USP34: variants seen among roughly 807,000 people sequenced by gnomAD.
The protein encoded by USP34 is ubiquitin carboxyl-terminal hydrolase 34.
A neutral mutation model predicts 460.3 loss-of-function variants in USP34; 70 were observed. The observed-to-expected ratio is 0.15, with a 90% CI of 0.13 to 0.19. The LOEUF is 0.19. USP34 is among the 10% of genes least tolerant of loss of function. The pLI is 1.00. For synonymous variants in USP34, 1,647 were observed against 1,405.3 expected (o/e 1.17, Z -3.85); for missense variants, 3,985 against 4,236.2 (o/e 0.94, Z 1.65).
chr2:61,333,606 G>A (rs1572942983), intron 19 of USP34, among the ~76,000 whole-genome samples: 1 of 152,036 alleles, frequency 6.6e-6, no homozygotes, highest in Non-Finnish European at 1.5e-5. Context: ...AAAGTACTCT[G>A]CTGTAGCTGC....
chr2:61,348,021 T>C lies in USP34; in HGVS notation c.2134A>G (p.Thr712Ala), dbSNP rs1460086421. ...EHDISGEMNATHIAQGSQESC... is the reference protein window; with the variant it reads ...EHDISGEMNAAHIAQGSQESC... The stretch of plus-strand genomic sequence containing the variant: ...TCCTGAGACCCTTGTGCTATATGAG[T>C]AGCATTCATTTCCCCTGAAATATCA... The change falls in exon 15 of 80, where the codon ACT becomes GCT. Residue 712 changes from threonine to alanine, a missense_variant. Physicochemically the swap from Thr to Ala is moderately conservative, Grantham distance 58. This residue lies in a region of USP34 where 716 missense variants were observed against 626.2 expected (regional missense o/e 1.14). Transcript: ENST00000398571. 6.2e-6 allele frequency: 10 copies of C among 1,614,056 alleles called. No individual in the cohort carries two copies. The highest frequency in any genetic ancestry group is 1.7e-5 in the Admixed American group (1 of 60,010).
At chr2:61,251,779 G>C (rs1380092209) in intron 48 of USP34, among the ~76,000 whole-genome samples, 1 of 152,010 alleles carries the variant, frequency 6.6e-6, no homozygotes, top group East Asian at 1.9e-4. Context: ...TTTACATAAG[G>C]TTTAACATCA....
intron 32 of USP34, among the ~76,000 whole-genome samples, chr2:61,294,560 G>A (rs543398341): frequency 1.3e-5 from 2 of 151,984 alleles, no homozygotes; most frequent in African/African-American, 2.4e-5. Flanking sequence ...CTGGGATTAT[G>A]GGCAGCATGC....
intron 48 of USP34, among the ~76,000 whole-genome samples, chr2:61,250,022 C>G (rs2103879069): frequency 6.6e-6 from 1 of 152,200 alleles, no homozygotes; most frequent in African/African-American, 2.4e-5. Flanking sequence ...CTAAAGTGGG[C>G]AGACTGCTTG....
At chr2:61,364,050 G>C (rs1692354232) in intron 10 of USP34, among the ~76,000 whole-genome samples, 1 of 152,154 alleles carries the variant, frequency 6.6e-6, no homozygotes. Context: ...AAGGTACCTA[G>C]AATAGGCAAA....
chr2:61,334,547 G>T (rs1691361048), intron 18 of USP34, among the ~76,000 whole-genome samples: 1 of 152,058 alleles, frequency 6.6e-6, no homozygotes, highest in Non-Finnish European at 1.5e-5. Flanking sequence ...TTCTAATGAA[G>T]AACTAAACTT....
intron 1 of USP34, among the ~76,000 whole-genome samples, chr2:61,451,991 C>T (rs988535729): frequency 4.6e-5 from 7 of 151,496 alleles, no homozygotes; most frequent in South Asian, 4.2e-4. Flanking sequence ...CTGGCTAACA[C>T]GGTGAAACCC....
At chr2:61,228,463 T>A (rs1459166639) in intron 61 of USP34, among the ~76,000 whole-genome samples, 182 bp downstream of exon 61, 1 of 152,232 alleles carries the variant, frequency 6.6e-6, no homozygotes, top group Admixed American at 6.5e-5. Context: ...CCTAGTTGTT[T>A]CTTTCTTGCT....
chr2:61,451,590 G>C (rs1296645301), intron 1 of USP34, among the ~76,000 whole-genome samples: 1 of 151,870 alleles, frequency 6.6e-6, no homozygotes, highest in African/African-American at 2.4e-5. Context: ...GTTGAGGCAG[G>C]AGAATCGTTT....
chr2:61,280,960 A>ACTAT (rs2103956354), intron 38 of USP34, 130 bp downstream of exon 38: 1 of 976,522 alleles, frequency 1.0e-6, no homozygotes, highest in African/African-American at 1.7e-5. Context: ...GTATATAACT[A>ACTAT]CTATCCTCTT....
chr2:61,282,581 G>T (rs1038955487), intron 37 of USP34, among the ~76,000 whole-genome samples: 2 of 152,098 alleles, frequency 1.3e-5, no homozygotes, highest in African/African-American at 4.8e-5. Context: ...ATGACACCAG[G>T]AGTTCAAGAC....
chr2:61,209,964 A>G (rs1401998254), intron 69 of USP34, among the ~76,000 whole-genome samples: 1 of 152,202 alleles, frequency 6.6e-6, no homozygotes, highest in African/African-American at 2.4e-5. Flanking sequence ...TTTAAATATG[A>G]AAAGCTTATA....
intron 1 of USP34, among the ~76,000 whole-genome samples, chr2:61,426,098 C>A (rs1341104948): frequency 6.6e-6 from 1 of 152,062 alleles, no homozygotes; most frequent in Non-Finnish European, 1.5e-5. Flanking sequence ...GTAGCGATAT[C>A]CAAGTACTAC....
chr2:61,425,415 A>T (rs1694483290), intron 1 of USP34, among the ~76,000 whole-genome samples: 2 of 151,968 alleles, frequency 1.3e-5, no homozygotes, highest in African/African-American at 2.4e-5. Flanking sequence ...CCAGCAGCAA[A>T]AGGCCTGGTG....
intron 10 of USP34, among the ~76,000 whole-genome samples, chr2:61,350,942 G>A (rs1016138956): frequency 2.0e-5 from 3 of 152,188 alleles, no homozygotes; most frequent in African/African-American, 7.2e-5. Context: ...AAGAGGGAAG[G>A]CTGGGCGTGG....
At position 61,406,717 on chromosome 2, in the gene USP34, A is replaced by T. The variant is rs80117520; in HGVS notation, c.132-589T>A. On this transcript the variant is annotated intron_variant, in intron 2 of 79. Coordinates refer to ENST00000398571, the MANE Select transcript of USP34 (RefSeq NM_014709.4). ...TATGTGTATTTAAAAAAAAAAAAAAAATATTGGCCAGGCGCAGTGGCTCAC... is the reference window on the plus strand; with the variant it reads ...TATGTGTATTTAAAAAAAAAAAAAATATATTGGCCAGGCGCAGTGGCTCAC... Among the ~76,000 whole-genome samples the T allele has an allele frequency of 8.9e-3, 1,352 of 151,672 alleles. 8 individuals carry two copies. Among genetic ancestry groups the T allele is most frequent in the South Asian group, 0.015 (71 of 4,788 alleles).
intron 8 of USP34, among the ~76,000 whole-genome samples, chr2:61,375,388 C>G (rs1428549053): frequency 4.6e-5 from 7 of 152,096 alleles, no homozygotes; most frequent in Admixed American, 1.3e-4. Context: ...CAATTCTAAT[C>G]CTAAGTATCT....
chr2:61,233,906 A>G (rs1687989985), intron 57 of USP34, among the ~76,000 whole-genome samples: 1 of 152,132 alleles, frequency 6.6e-6, no homozygotes, highest in Non-Finnish European at 1.5e-5. Context: ...GAGTGAATGA[A>G]ATTGTGGTTG....
At chr2:61,258,055 G>C (rs1006810895) in intron 44 of USP34, among the ~76,000 whole-genome samples, 2 of 152,012 alleles carry the variant, frequency 1.3e-5, no homozygotes, top group Non-Finnish European at 2.9e-5. Context: ...TTGCAGCTCT[G>C]TTAAAAGGAG....
Sources: allele counts gnomAD v4.1 joint callset (sites outside exome capture counted in the v4.1 genomes callset), GRCh38; gene constraint gnomAD v4.1.1; regional missense constraint gnomAD v4.1.1; transcripts MANE v1.5; gene names NCBI Gene and HGNC (gene_info 2026-07-23, HGNC 2026-07-21).